UPF2: variants seen among roughly 807,000 people sequenced by gnomAD.
UPF2 encodes the protein regulator of nonsense transcripts 2.
In UPF2, 17 loss-of-function variants were observed where a neutral mutation model predicts 141.4. The ratio of observed to expected loss-of-function variants is 0.12; its 90% CI spans 0.08 to 0.18. UPF2 has a LOEUF of 0.18. Ranked by LOEUF, UPF2 falls within the 10% of genes least tolerant of loss-of-function variation. The probability of loss-of-function intolerance (pLI) is 1.00; values close to 1 mark genes in which losing one functional copy is unlikely to be tolerated. For missense variants in UPF2, 1,152 were observed against 1,515.9 expected (o/e 0.76, Z 3.99); for synonymous variants, 540 against 498.0 (o/e 1.08, Z -1.12).
chr10:12,013,846 T>A (rs1027100227), intron 4 of UPF2, among the ~76,000 whole-genome samples, 178 bp downstream of exon 4: 1 of 152,098 alleles, frequency 6.6e-6, no homozygotes, highest in African/African-American at 2.4e-5. Flanking sequence ...GCGATCCTCT[T>A]ACCTTGGATT....
At chr10:12,023,600 G>C (rs1038332145) in intron 3 of UPF2, among the ~76,000 whole-genome samples, 2 of 151,498 alleles carry the variant, frequency 1.3e-5, no homozygotes, top group Admixed American at 6.6e-5. Context: ...TGAGGCAAGG[G>C]AATCGGTTGA....
intron 3 of UPF2, chr10:12,026,629 C>T: frequency 4.4e-6 from 2 of 451,092 alleles, no homozygotes; most frequent in South Asian, 3.1e-5. Flanking sequence ...ACCATGACCA[C>T]TGAAAATTCC....
intron 9 of UPF2, among the ~76,000 whole-genome samples, chr10:11,975,313 T>C (rs1189428674): frequency 6.6e-6 from 1 of 152,146 alleles, no homozygotes; most frequent in African/African-American, 2.4e-5. Flanking sequence ...TAGGCCACAC[T>C]GAAACTTTAG....
intron 3 of UPF2, among the ~76,000 whole-genome samples, chr10:12,023,392 C>A (rs1181743981): frequency 6.6e-6 from 1 of 151,182 alleles, no homozygotes; most frequent in African/African-American, 2.4e-5. Flanking sequence ...AAATAATATT[C>A]GGCTGGGCAT....
intron 10 of UPF2, among the ~76,000 whole-genome samples, chr10:11,965,807 CTG>C (rs994765945): frequency 7.3e-5 from 11 of 151,692 alleles, no homozygotes; most frequent in African/African-American, 2.4e-4. Flanking sequence ...AAAAAAAAAA[CTG>C]TTTAATTTTG....
chr10:11,973,422 C>A (rs1588545841), intron 9 of UPF2, among the ~76,000 whole-genome samples: 1 of 152,206 alleles, frequency 6.6e-6, no homozygotes, highest in East Asian at 1.9e-4. Context: ...GCTTTTGTTG[C>A]CATTGCTTTT....
chr10:11,942,632 A>C (rs777624382), intron 18 of UPF2, 33 bp downstream of exon 18: 3 of 1,589,888 alleles, frequency 1.9e-6, no homozygotes, highest in Non-Finnish European at 2.6e-6. Flanking sequence ...TTTTGTATTG[A>C]GAAGAGTCTT....
chr10:11,987,753 C>G (rs1833715743), intron 8 of UPF2, among the ~76,000 whole-genome samples: 1 of 101,074 alleles, frequency 9.9e-6, no homozygotes, highest in Admixed American at 1.5e-4. Flanking sequence ...TAGAGCAAGA[C>G]TCTGCCTCAA....
At position 11,938,842 on chromosome 10, in the gene UPF2, G is replaced by GTTTTTTTTTTTTT. The variant is rs1204744093; in HGVS notation, c.3379-2131_3379-2130insAAAAAAAAAAAAA. On this transcript the variant is annotated intron_variant, in intron 18 of 21. Transcript: ENST00000357604. ...GTCCTAGCCATGTGGTCTTAAGCAA[G>GTTTTTTTTTTTTT]TTTTTTTTTTGTTTTTTTTTTTTTT... 4.6e-4 allele frequency among the ~76,000 whole-genome samples: 21 copies of GTTTTTTTTTTTTT among 45,858 alleles called. 2 individuals are homozygous for GTTTTTTTTTTTTT. The highest frequency in any genetic ancestry group is 9.8e-4 in the African/African-American group (14 of 14,226). The allele number at this position is 45,858 out of a possible 152,430, so 30.1% of individuals were successfully genotyped here. A position where few individuals can be genotyped will look rare whatever the true frequency, so the allele number is the denominator to read the frequency against.
chr10:11,930,331 C>T (rs978322257), intron 20 of UPF2, among the ~76,000 whole-genome samples: 4 of 152,194 alleles, frequency 2.6e-5, no homozygotes, highest in Non-Finnish European at 5.9e-5. Context: ...CACTTTCTAG[C>T]TGTGAGACTT....
rs766232400 is a variant in UPF2 at position 12,029,374 on chromosome 10, A to G, written c.516T>C (p.Thr172=). ...SRLDSSLKKN[T]AFVKKLKTIT... is the part of the protein sequence containing the mutation. ...TAGTTTTTAGTTTCTTGACAAAAGC[A>G]GTATTTTTCTTCAAACTTGAGTCGA... Residue 172 remains threonine (T), a synonymous_variant, in exon 3 of 22, where the codon ACT becomes ACC. Coordinates refer to ENST00000357604, the MANE Select transcript of UPF2 (RefSeq NM_015542.4). 6.2e-7 allele frequency: 1 copy of G among 1,614,232 alleles called. No individual in the cohort carries two copies. The highest frequency in any genetic ancestry group is 1.1e-5 in the South Asian group (1 of 91,072).
intron 3 of UPF2, among the ~76,000 whole-genome samples, chr10:12,023,100 TGAAA>T: frequency 6.6e-6 from 1 of 152,254 alleles, no homozygotes; most frequent in East Asian, 1.9e-4. Flanking sequence ...TTCACTATAC[TGAAA>T]GAAACAAATT....
intron 21 of UPF2, among the ~76,000 whole-genome samples, chr10:11,927,707 G>T (rs1408690834): frequency 6.6e-6 from 1 of 152,070 alleles, no homozygotes; most frequent in East Asian, 1.9e-4. Flanking sequence ...TTCCAACTTG[G>T]ATTTTTTTTT....
chr10:12,013,985 A>G, intron 4 of UPF2, 39 bp downstream of exon 4: 1 of 1,446,376 alleles, frequency 6.9e-7, no homozygotes, highest in Non-Finnish European at 9.2e-7. Context: ...GACAGTGCTT[A>G]CAGAAAACAC....
intron 4 of UPF2, among the ~76,000 whole-genome samples, chr10:12,005,473 A>G (rs762714348): frequency 6.6e-6 from 1 of 152,254 alleles, no homozygotes; most frequent in African/African-American, 2.4e-5. Flanking sequence ...CAACCTGATT[A>G]GTAGAAGTCG....
chr10:12,013,718 T>C (rs11819265), intron 4 of UPF2, among the ~76,000 whole-genome samples: 331 of 152,322 alleles, frequency 2.2e-3, no homozygotes, highest in African/African-American at 7.6e-3. Flanking sequence ...TCATTTCAAA[T>C]AGCTTTTCAA....
At chr10:11,951,977 T>G in intron 15 of UPF2, 89 bp downstream of exon 15, 1 of 1,328,120 alleles carries the variant, frequency 7.5e-7, no homozygotes, top group Non-Finnish European at 1.1e-6. Flanking sequence ...AGATACAATG[T>G]AAGCTCTGAC....
chr10:11,927,054 G>C (rs1832722083), intron 21 of UPF2, among the ~76,000 whole-genome samples: 1 of 152,202 alleles, frequency 6.6e-6, no homozygotes, highest in Admixed American at 6.5e-5. Context: ...AATGAAGAGG[G>C]TGGAATTATC....
intron 9 of UPF2, among the ~76,000 whole-genome samples, chr10:11,971,472 G>A (rs1039655352): frequency 1.3e-5 from 2 of 151,952 alleles, no homozygotes; most frequent in Admixed American, 6.6e-5. Flanking sequence ...CAGGCTGGCC[G>A]AACTCCTGAC....
Sources: allele counts gnomAD v4.1 joint callset (sites outside exome capture counted in the v4.1 genomes callset), GRCh38; gene constraint gnomAD v4.1.1; transcripts MANE v1.5; gene names NCBI Gene and HGNC (gene_info 2026-07-23, HGNC 2026-07-21).